Variants in TBXT observed in about 807,000 individuals in gnomAD.
The protein encoded by TBXT is T-box transcription factor T.
A neutral mutation model predicts 41.1 loss-of-function variants in TBXT; 19 were observed. That is an observed-to-expected ratio of 0.46 (90% CI 0.32 to 0.68). The LOEUF (loss-of-function observed/expected upper bound fraction) is 0.68, where lower values mean the gene tolerates loss of function less well. Among genes scored for constraint, TBXT ranks in the 30% least tolerant of loss-of-function variants. The pLI is 0.03. For synonymous variants in TBXT, 213 were observed against 238.9 expected, an observed-to-expected ratio of 0.89 and a Z score of 1.00; for missense variants, 536 against 582.0, an observed-to-expected ratio of 0.92 and a Z score of 0.81.
In TBXT at chr6:166,157,712, C is replaced by A. The variant is rs1288931000; in HGVS notation, c.*603G>T. The A allele has an allele frequency of 6.5e-6, 1 of 153,484 alleles. No individual in the cohort carries two copies. The highest frequency in any genetic ancestry group is 1.5e-5 in the Non-Finnish European group (1 of 68,710). 9.5% of individuals were successfully genotyped at this position (153,484 alleles called of 1,614,324 possible). On this transcript the variant is annotated 3_prime_UTR_variant, in exon 8 of 8. Coordinates refer to ENST00000366876, the MANE Select transcript of TBXT (RefSeq NM_001366285.2). ...GCTTTCTGCTGATTGTCTTTGGCTACTTTGTCAAAAGAAAAATATGAAACA... is the reference window on the plus strand; with the variant it reads ...GCTTTCTGCTGATTGTCTTTGGCTAATTTGTCAAAAGAAAAATATGAAACA...
chr6:166,164,384 A>T (rs1779049077), intron 5 of TBXT, among the ~76,000 whole-genome samples: 1 of 152,198 alleles, frequency 6.6e-6, no homozygotes, highest in Non-Finnish European at 1.5e-5. Flanking sequence ...CGGCAAAACA[A>T]AAGCACCCAG....
chr6:166,164,821 G>A lies in TBXT; in HGVS notation c.647C>T (p.Ala216Val). 1 of 1,613,308 alleles carries A rather than the reference G, an allele frequency of 6.2e-7. No homozygotes were observed. The part of the protein sequence containing the change: ...LKIKYNPFAK[A>V]FLDAKERSDH... ...TCACCTTTCCTTTGCATCAAGGAAA[G>A]CTTTTGCAAATGGATTGTACTTAAT... Residue 216 changes from alanine to valine, a missense_variant, in exon 4 of 8, where the codon GCT becomes GTT. Ala to Val is a moderately conservative substitution (Grantham distance 64). Coordinates refer to ENST00000366876, the MANE Select transcript of TBXT (RefSeq NM_001366285.2).
chr6:166,158,478 T>G lies in TBXT; in HGVS notation c.1148A>C (p.His383Pro). ...GAQFFRGSPA[H>P]YTPLTHPVSA... ...GACCGGATGGGTGAGGGGTGTGTAG[T>G]GCGCGGGGGAGCCCCGGAAGAACTG... is the stretch of plus-strand genomic sequence containing the variant. Residue 383 changes from histidine (H) to proline (P), a missense_variant, in exon 8 of 8, where the codon CAC (histidine) becomes CCC (proline). Transcript: ENST00000366876. 1 of 1,604,804 alleles carries G rather than the reference T, an allele frequency of 6.2e-7. No homozygotes were observed. The highest frequency in any genetic ancestry group is 8.5e-7 in the Non-Finnish European group (1 of 1,175,780).
chr6:166,167,711 C>A lies in TBXT; in HGVS notation c.-120G>T, dbSNP rs954760755. 3 of 1,335,930 alleles carry A rather than the reference C, an allele frequency of 2.2e-6. No individual in the cohort carries two copies. The highest frequency in any genetic ancestry group is 1.3e-5 in the South Asian group (1 of 79,082). The allele number at this position is 1,335,930 out of a possible 1,614,324, so 82.8% of individuals were successfully genotyped here. On this transcript the variant is annotated 5_prime_UTR_variant, in exon 1 of 8. Coordinates refer to ENST00000366876, the MANE Select transcript of TBXT (RefSeq NM_001366285.2). ...AAGGGGCCCCTTGGACCGAGACCTG[C>A]GACGGCTCCCGGGTCCCGGGTCCCG...
At position 166,157,991 on chromosome 6, in the gene TBXT, T is replaced by C; in HGVS notation, c.*324A>G. ...GTGCCAAAGTTGCCAATACACTGTA[T>C]GAGAAATAAACCAAAAAAAGTTTCT... On this transcript the variant is annotated 3_prime_UTR_variant, in exon 8 of 8. Coordinates refer to ENST00000366876, the MANE Select transcript of TBXT (RefSeq NM_001366285.2). The C allele has an allele frequency of 2.1e-6, 1 of 466,590 alleles. No individual in the cohort carries two copies. The highest frequency in any genetic ancestry group is 3.9e-6 in the Non-Finnish European group (1 of 253,710). The allele number at this position is 466,590 out of a possible 1,614,324, so 28.9% of individuals were successfully genotyped here. A position where few individuals can be genotyped will look rare whatever the true frequency, so the allele number is the denominator to read the frequency against.
rs747562377 is a variant in TBXT, at chr6:166,166,736, C to T, written c.327G>A (p.Trp109Ter). Residue 109 changes from tryptophan to a stop codon, truncating the protein, a stop_gained, in exon 2 of 8, where the codon TGG (tryptophan) becomes TGA (stop). Coordinates refer to ENST00000366876, the MANE Select transcript of TBXT (RefSeq NM_001366285.2). LOFTEE classifies it high-confidence loss of function. ...NHRWKYVNGE[W>*]VPGGKPEPQA... ...GCGGCTCCGGCTTGCCCCCCGGCACCCATTCCCCGTTCACGTACTTCCAGC... is the reference window on the plus strand; with the variant it reads ...GCGGCTCCGGCTTGCCCCCCGGCACTCATTCCCCGTTCACGTACTTCCAGC... 6.2e-7 allele frequency: 1 copy of T among 1,613,830 alleles called. No homozygotes were observed. Among genetic ancestry groups the T allele is most frequent in the Admixed American group, 1.7e-5 (1 of 60,024 alleles).
chr6:166,167,385 C>T lies in TBXT; in HGVS notation c.206+1G>A. The T allele has an allele frequency of 6.2e-7, 1 of 1,612,866 alleles. No individual in the cohort carries two copies. The highest frequency in any genetic ancestry group is 1.1e-5 in the South Asian group (1 of 91,072). On this transcript the variant is annotated splice_donor_variant, in intron 1 of 7. Coordinates refer to ENST00000366876, the MANE Select transcript of TBXT (RefSeq NM_001366285.2). LOFTEE classifies it high-confidence loss of function. ...CGCGCGGGCTCCGGACGCGCACCCA[C>T]CTGCCGTTCTTGGTCACGATCATCT...
chr6:166,165,644 C>G, intron 3 of TBXT, 62 bp downstream of exon 3: 1 of 1,611,944 alleles, frequency 6.2e-7, no homozygotes, highest in Non-Finnish European at 8.5e-7. Flanking sequence ...TCCAGAATCT[C>G]CACGGAGCAG....
At chr6:166,166,983 G>A (rs1779137875) in intron 1 of TBXT, 127 bp from the exon 2 acceptor site, 1 of 1,507,768 alleles carries the variant, frequency 6.6e-7, no homozygotes. Flanking sequence ...GTCCGAGGGT[G>A]ACTCCCAAGC....
rs745665800 is a variant in TBXT at position 166,167,563 on chromosome 6, C to T, written c.29G>A (p.Gly10Glu). The T allele has an allele frequency of 1.3e-5, 21 of 1,578,832 alleles. No homozygotes were observed. Among genetic ancestry groups the T allele is most frequent in the East Asian group, 2.3e-5 (1 of 43,024 alleles). MSSPGTESA[G>E]KSLQYRVDHL... ...GTCCACTCGGTACTGCAGGCTCTTT[C>T]CCGCGCTCTCGGTGCCAGGGGAGCT... Residue 10 changes from glycine to glutamate, a missense_variant, in exon 1 of 8, where the codon GGA (glycine) becomes GAA (glutamate). By Grantham distance (98) the Gly-to-Glu change is moderately conservative. Transcript: ENST00000366876.
chr6:166,158,212 C>T lies in TBXT; in HGVS notation c.*103G>A. On this transcript the variant is annotated 3_prime_UTR_variant, in exon 8 of 8. Coordinates refer to ENST00000366876, the MANE Select transcript of TBXT (RefSeq NM_001366285.2). ...GAAGTTACTGAGGCTGCATTTCCTT[C>T]TTAACCTGAGACTGCCACTGGGTAC... is the stretch of plus-strand genomic sequence containing the variant. The T allele has an allele frequency of 6.3e-7, 1 of 1,585,240 alleles. No individual in the cohort carries two copies. The highest frequency in any genetic ancestry group is 1.1e-5 in the South Asian group (1 of 89,904).
In TBXT at chr6:166,164,797, C is replaced by T. The variant is rs774417819; in HGVS notation, c.668+3G>A. 7 of 1,613,642 alleles carry T rather than the reference C, an allele frequency of 4.3e-6. No individual in the cohort carries two copies. The highest frequency in any genetic ancestry group is 2.2e-5 in the East Asian group (1 of 44,856). On this transcript the variant is annotated splice_donor_region_variant and intron_variant, in intron 4 of 7. Coordinates refer to ENST00000366876, the MANE Select transcript of TBXT (RefSeq NM_001366285.2). ...AGGGTATTTATAGTTAGAATTCTCT[C>T]ACCTTTCCTTTGCATCAAGGAAAGC...
In TBXT at chr6:166,166,845, G is replaced by T. The variant is rs1779133414; in HGVS notation, c.218C>A (p.Pro73Gln). The change falls in exon 2 of 8, where the codon CCG (proline) becomes CAG (glutamine). Residue 73 changes from proline (P) to glutamine (Q), a missense_variant. Pro to Gln is a moderately conservative substitution (Grantham distance 76). Transcript: ENST00000366876. ...GCCAGACACGTTCACCTTCAGCACC[G>T]GAAACATCCTCCTGGAAAACACGGG... ...IVTKNGRRMF[P>Q]VLKVNVSGLD... 1 of 1,613,620 alleles carries T rather than the reference G, an allele frequency of 6.2e-7. No individual in the cohort carries two copies. The highest frequency in any genetic ancestry group is 8.5e-7 in the Non-Finnish European group (1 of 1,180,054).
At chr6:166,162,652 T>C in intron 5 of TBXT, 29 bp from the exon 6 acceptor site, 3 of 1,581,532 alleles carry the variant, frequency 1.9e-6, no homozygotes, top group Non-Finnish European at 2.6e-6. Flanking sequence ...CTGAGTAACC[T>C]GCATTAGTGC....
chr6:166,166,741 C>T lies in TBXT; in HGVS notation c.322G>A (p.Glu108Lys). The T allele has an allele frequency of 1.9e-6, 3 of 1,613,816 alleles. No individual in the cohort carries two copies. Among genetic ancestry groups the T allele is most frequent in the Non-Finnish European group, 2.5e-6 (3 of 1,180,044 alleles). ...DNHRWKYVNG[E>K]WVPGGKPEPQ... ...TCCGGCTTGCCCCCCGGCACCCATT[C>T]CCCGTTCACGTACTTCCAGCGGTGG... The change falls in exon 2 of 8, where the codon GAA (glutamate) becomes AAA (lysine). Residue 108 changes from glutamate to lysine, a missense_variant. Transcript: ENST00000366876.
chr6:166,166,878 CAGG>C (rs1194885271), intron 1 of TBXT, 22 bp from the exon 2 acceptor site: 3 of 1,613,022 alleles, frequency 1.9e-6, no homozygotes, highest in Admixed American at 3.3e-5. Flanking sequence ...GGGGCGGGCG[CAGG>C]AGGACCCCGA....
chr6:166,165,598 T>A, intron 3 of TBXT, 108 bp downstream of exon 3: 1 of 1,561,364 alleles, frequency 6.4e-7, no homozygotes, highest in Non-Finnish European at 8.8e-7. Context: ...GCAGGAAGCC[T>A]TCCTCTCAGT....
rs948199549 is a variant in TBXT at position 166,167,773 on chromosome 6, G to C, written c.-182C>G. 8.5e-6 allele frequency: 6 copies of C among 702,978 alleles called. No homozygotes were observed. In the African/African-American group the frequency reaches 9.0e-5, roughly 11 times the overall value. 43.5% of individuals were successfully genotyped at this position (702,978 alleles called of 1,614,324 possible). A position where few individuals can be genotyped will look rare whatever the true frequency, so the allele number is the denominator to read the frequency against. ...GGAGGAGGGCGCGGACCAAGACTTG[G>C]GGGGAGGGGACGGGGGCAGAGGGGT... On this transcript the variant is annotated 5_prime_UTR_variant, in exon 1 of 8. Transcript: ENST00000366876.
Position 166,164,642 on chromosome 6 carries a change from C to T in TBXT, c.693G>A (p.Glu231=). ...CAGGTTGCTGGCTGTCTCCGGGTTC[C>T]TCCATCATCTCTTTGTGATCACTTC... ...KERSDHKEMM[E]EPGDSQQPGY... Residue 231 remains glutamate (E), a synonymous_variant, in exon 5 of 8, where the codon GAG becomes GAA. Transcript: ENST00000366876. The T allele has an allele frequency of 6.2e-7, 1 of 1,613,960 alleles. No homozygotes were observed. The highest frequency in any genetic ancestry group is 1.3e-5 in the African/African-American group (1 of 74,934).
Sources: allele counts gnomAD v4.1 joint callset (sites outside exome capture counted in the v4.1 genomes callset), GRCh38; gene constraint gnomAD v4.1.1; transcripts MANE v1.5; gene names NCBI Gene and HGNC (gene_info 2026-07-23, HGNC 2026-07-21).